The following PCDH15 variants were observed in gnomAD, a reference collection of about 807,000 sequenced individuals.
PCDH15 encodes protocadherin related 15.
A neutral mutation model predicts 178.5 loss-of-function variants in PCDH15; 129 were observed. The ratio of observed to expected loss-of-function variants is 0.72; its 90% CI spans 0.63 to 0.84. The LOEUF (loss-of-function observed/expected upper bound fraction) is 0.84. Among genes scored for constraint, PCDH15 ranks in the 40% least tolerant of loss-of-function variants. PCDH15 has a pLI of 0.00. For missense variants in PCDH15, 2,230 were observed against 2,099.9 expected, an observed-to-expected ratio of 1.06 and a Z score of -1.21; for synonymous variants, 800 against 732.0, an observed-to-expected ratio of 1.09 and a Z score of -1.50.
intron 2 of PCDH15, among the ~76,000 whole-genome samples, chr10:54,923,003 C>T (rs1453133255): frequency 1.3e-5 from 2 of 152,170 alleles, no homozygotes; most frequent in East Asian, 3.9e-4. Context: ...GGACTCCACC[C>T]CTGCCACAGA....
At chr10:54,618,634 C>T (rs894756686) in intron 2 of PCDH15, among the ~76,000 whole-genome samples, 1 of 151,986 alleles carries the variant, frequency 6.6e-6, no homozygotes, top group Non-Finnish European at 1.5e-5. Context: ...ACATATTCTA[C>T]TAACAGATTT....
At chr10:54,918,440 T>C (rs554138518) in intron 2 of PCDH15, among the ~76,000 whole-genome samples, 1 of 152,292 alleles carries the variant, frequency 6.6e-6, no homozygotes, top group Admixed American at 6.5e-5. Flanking sequence ...AATTATAGAA[T>C]GTTAAATAGA....
chr10:55,255,353 TG>T (rs2132228546), intron 1 of PCDH15, among the ~76,000 whole-genome samples: 1 of 152,340 alleles, frequency 6.6e-6, no homozygotes, highest in Non-Finnish European at 1.5e-5. Flanking sequence ...AGTCTATCAT[TG>T]TTGGACATTT....
At chr10:55,347,991 G>A (rs1368694983) in intron 2 of PCDH15, among the ~76,000 whole-genome samples, 1 of 151,908 alleles carries the variant, frequency 6.6e-6, no homozygotes, top group Non-Finnish European at 1.5e-5. Flanking sequence ...GGTCTTTGAA[G>A]TCTGCTTGGA....
chr10:54,418,171 G>A (rs1954731567), intron 3 of PCDH15, among the ~76,000 whole-genome samples: 1 of 149,666 alleles, frequency 6.7e-6, no homozygotes, highest in South Asian at 2.2e-4. Context: ...GGGGAAAGAA[G>A]GTAAAATCAA....
chr10:55,506,553 C>A (rs1223925752), intron 2 of PCDH15, among the ~76,000 whole-genome samples: 1 of 151,372 alleles, frequency 6.6e-6, no homozygotes, highest in Non-Finnish European at 1.5e-5. Flanking sequence ...CATTTCAAGG[C>A]TCAAAAAGAA....
chr10:54,891,939 G>C (rs969588204), intron 3 of PCDH15, among the ~76,000 whole-genome samples: 2 of 152,036 alleles, frequency 1.3e-5, no homozygotes, highest in Non-Finnish European at 2.9e-5. Flanking sequence ...CAGATGTAAA[G>C]GTCTGGGGGA....
intron 2 of PCDH15, among the ~76,000 whole-genome samples, chr10:55,603,147 G>A (rs1843126760): frequency 6.6e-6 from 1 of 152,088 alleles, no homozygotes; most frequent in Non-Finnish European, 1.5e-5. Context: ...AGCAATGGAA[G>A]ATGAAATGAA....
chr10:54,878,828 A>G (rs1184470555), intron 3 of PCDH15, among the ~76,000 whole-genome samples: 2 of 151,418 alleles, frequency 1.3e-5, no homozygotes, highest in African/African-American at 4.9e-5. Flanking sequence ...CCCTCCCCCT[A>G]CCCCACTCAG....
intron 8 of PCDH15, among the ~76,000 whole-genome samples, chr10:54,291,536 G>T (rs1399003552): frequency 2.0e-5 from 3 of 152,064 alleles, no homozygotes; most frequent in Non-Finnish European, 4.4e-5. Context: ...TCCAGGAGCT[G>T]GTTTTTTGAA....
At chr10:55,426,589 C>T (rs944688983) in intron 2 of PCDH15, among the ~76,000 whole-genome samples, 2 of 152,248 alleles carry the variant, frequency 1.3e-5, no homozygotes, top group East Asian at 3.9e-4. Flanking sequence ...GGGTTAACAA[C>T]TCAGTGGACC....
intron 18 of PCDH15, among the ~76,000 whole-genome samples, chr10:54,029,655 A>G (rs902130427): frequency 1.3e-5 from 2 of 152,202 alleles, no homozygotes; most frequent in African/African-American, 2.4e-5. Context: ...AAGTCAAGGG[A>G]ATTTATTGAA....
rs1840469160 is a variant in PCDH15, at chr10:55,208,515, T to C, written c.-155-41864A>G. Among the ~76,000 whole-genome samples, 3 of 152,032 alleles carry C rather than the reference T, an allele frequency of 2.0e-5. No homozygotes were observed. In the South Asian group the frequency reaches 6.2e-4, roughly 31 times the overall value. On this transcript the variant is annotated intron_variant, in intron 1 of 5. Coordinates refer to the PCDH15 transcript ENST00000458638. ...TTTGCTTTCAACTTGCTCATATTTC[T>C]CCAACATTTTCCAGGTAATTCTCAA...
At chr10:54,538,861 T>C (rs1402226894) in intron 2 of PCDH15, among the ~76,000 whole-genome samples, 1 of 152,208 alleles carries the variant, frequency 6.6e-6, no homozygotes, top group Non-Finnish European at 1.5e-5. Context: ...AGGTAGTTCT[T>C]TATAATGATG....
intron 18 of PCDH15, among the ~76,000 whole-genome samples, chr10:54,061,591 T>C (rs2094014444): frequency 6.6e-6 from 1 of 152,100 alleles, no homozygotes; most frequent in Admixed American, 6.6e-5. Context: ...ATAATCTGCT[T>C]TTCTCATGAA....
At chr10:55,442,335 A>T (rs1405479210) in intron 2 of PCDH15, among the ~76,000 whole-genome samples, 2 of 151,068 alleles carry the variant, frequency 1.3e-5, no homozygotes, top group African/African-American at 2.4e-5. Context: ...AGCGATGAGA[A>T]TTAGAAGAAA....
chr10:55,318,476 A>G (rs1843789732), intron 1 of PCDH15, among the ~76,000 whole-genome samples: 1 of 152,126 alleles, frequency 6.6e-6, no homozygotes, highest in Non-Finnish European at 1.5e-5. Flanking sequence ...GGAAAGAGTG[A>G]TAAAAATCGA....
intron 2 of PCDH15, among the ~76,000 whole-genome samples, chr10:55,344,548 T>C (rs1461236997): frequency 6.6e-6 from 1 of 151,998 alleles, no homozygotes; most frequent in African/African-American, 2.4e-5. Flanking sequence ...AAGAAGACAG[T>C]CAAAGATTAT....
intron 3 of PCDH15, among the ~76,000 whole-genome samples, chr10:54,814,873 T>C (rs1378948271): frequency 1.3e-5 from 2 of 152,152 alleles, no homozygotes; most frequent in Non-Finnish European, 2.9e-5. Context: ...TTCCATCTGA[T>C]GTGAGGCTAT....
Sources: allele counts gnomAD v4.1 joint callset (sites outside exome capture counted in the v4.1 genomes callset), GRCh38; gene constraint gnomAD v4.1.1; transcripts MANE v1.5; gene names NCBI Gene and HGNC (gene_info 2026-07-23, HGNC 2026-07-21).